The following SLC2A9 variants were observed in gnomAD, a reference collection of about 807,000 sequenced individuals.
SLC2A9 encodes the protein solute carrier family 2 member 9.
A neutral mutation model predicts 50.6 loss-of-function variants in SLC2A9; 39 were observed. The ratio of observed to expected loss-of-function variants is 0.77; its 90% CI spans 0.60 to 1.01. SLC2A9 has a LOEUF of 1.01. SLC2A9 is among the 50% of genes least tolerant of loss of function. The probability of loss-of-function intolerance (pLI) is 0.00; values close to 1 mark genes in which losing one functional copy is unlikely to be tolerated. For synonymous variants in SLC2A9, 324 were observed against 276.9 expected, an observed-to-expected ratio of 1.17 and a Z score of -1.69; for missense variants, 686 against 677.6, an observed-to-expected ratio of 1.01 and a Z score of -0.14.
chr4:9,886,924 T>C (rs143321041), intron 10 of SLC2A9, among the ~76,000 whole-genome samples: 76 of 152,254 alleles, frequency 5.0e-4, no homozygotes, highest in African/African-American at 1.7e-3. Context: ...AAGAAGTCTC[T>C]CCTACTGACC....
chr4:10,025,823 A>T, upstream of SLC2A9: 1 of 1,381,600 alleles, frequency 7.2e-7, no homozygotes, highest in African/African-American at 1.4e-5. Flanking sequence ...ACAGCCTCCC[A>T]CTGACCCAGG....
upstream of SLC2A9, among the ~76,000 whole-genome samples, chr4:10,023,827 A>C (rs1763667173): frequency 6.6e-6 from 1 of 151,964 alleles, no homozygotes; most frequent in Non-Finnish European, 1.5e-5. Flanking sequence ...CAGGGGGAGC[A>C]TGGAGGAGCC....
chr4:9,956,362 C>T (rs1174348029), intron 5 of SLC2A9, among the ~76,000 whole-genome samples: 1 of 151,888 alleles, frequency 6.6e-6, no homozygotes, highest in Non-Finnish European at 1.5e-5. Flanking sequence ...AGCCTGTAGC[C>T]CCAGCTACTC....
intron 5 of SLC2A9, among the ~76,000 whole-genome samples, chr4:9,965,294 C>A (rs1752889103): frequency 6.6e-6 from 1 of 152,214 alleles, no homozygotes; most frequent in East Asian, 1.9e-4. Flanking sequence ...CCTGCAGAGG[C>A]TGTTTTGGGC....
intron 10 of SLC2A9, among the ~76,000 whole-genome samples, chr4:9,878,627 A>G (rs1165732464): frequency 6.6e-6 from 1 of 151,906 alleles, no homozygotes; most frequent in African/African-American, 2.4e-5. Flanking sequence ...CCTCTATAAT[A>G]AAGCTGTAAT....
intron 10 of SLC2A9, among the ~76,000 whole-genome samples, chr4:9,842,757 C>A (rs1728279538): frequency 6.6e-6 from 1 of 152,142 alleles, no homozygotes; most frequent in African/African-American, 2.4e-5. Context: ...TGAAAATTAG[C>A]CCCAAATAAT....
intron 3 of SLC2A9, chr4:9,783,372 AC>A (rs1337090625): frequency 1.2e-6 from 2 of 1,614,032 alleles, no homozygotes; most frequent in African/African-American, 2.7e-5. Flanking sequence ...CCAGATGGTG[AC>A]CCTGTTGCTG....
intron 3 of SLC2A9, among the ~76,000 whole-genome samples, chr4:9,821,221 G>A (rs28831091): frequency 0.14 from 21,437 of 151,982 alleles, 1,873 homozygotes; most frequent in African/African-American, 0.25. Flanking sequence ...TTAATATGGG[G>A]GATTAAATTG....
intron 2 of SLC2A9, among the ~76,000 whole-genome samples, chr4:10,005,827 G>C (rs35201034): frequency 0.15 from 23,055 of 152,116 alleles, 3,056 homozygotes; most frequent in East Asian, 0.47. Flanking sequence ...GTTAAAGGTA[G>C]TTGGAATTGG....
chr4:9,970,325 C>T (rs532503468), intron 5 of SLC2A9, among the ~76,000 whole-genome samples: 5 of 152,286 alleles, frequency 3.3e-5, no homozygotes, highest in East Asian at 3.9e-4. Context: ...CCAGCCAACT[C>T]GGGTGGCAGT....
In SLC2A9 at chr4:9,845,894, T is replaced by C. The variant is rs2030286; in HGVS notation, c.1292-10886A>G. ...TGAAATACAGTCATTTTGAAAACTCTTCACGGGCATTCTGTTTTGTTTATG... is the reference window on the plus strand; with the variant it reads ...TGAAATACAGTCATTTTGAAAACTCCTCACGGGCATTCTGTTTTGTTTATG... On this transcript the variant is annotated intron_variant, in intron 10 of 11. Coordinates refer to ENST00000264784, the MANE Select transcript of SLC2A9 (RefSeq NM_020041.3). Among the ~76,000 whole-genome samples the C allele has an allele frequency of 1.5e-3, 233 of 152,388 alleles. 1 individual carries two copies. The highest frequency in any genetic ancestry group is 5.2e-3 in the African/African-American group (217 of 41,592).
intron 3 of SLC2A9, among the ~76,000 whole-genome samples, chr4:9,802,929 C>G (rs1288887332): frequency 6.6e-6 from 1 of 152,150 alleles, no homozygotes; most frequent in African/African-American, 2.4e-5. Context: ...ATCACAGAAC[C>G]CTTTCCGAAG....
At chr4:9,906,861 C>G (rs1740772367) in intron 8 of SLC2A9, among the ~76,000 whole-genome samples, 1 of 152,216 alleles carries the variant, frequency 6.6e-6, no homozygotes, top group South Asian at 2.1e-4. Flanking sequence ...TGTGAAACTT[C>G]CAGAATGTGA....
rs776005683 is a variant in SLC2A9 at position 10,021,379 on chromosome 4, G to GAGGGGA, written c.45_50dup (p.Pro16_Leu17dup). ...GCCCGGCGTGGCTGGTGTCATCTGT[G>GAGGGGA]AGGGGAACTAGGCCCAGTTCCTTGG... On this transcript the variant is annotated inframe_insertion, in exon 1 of 12. Transcript: ENST00000264784. The GAGGGGA allele has an allele frequency of 7.8e-5, 126 of 1,614,254 alleles. No homozygotes were observed. The highest frequency in any genetic ancestry group is 1.0e-4 in the Non-Finnish European group (119 of 1,180,040).
At chr4:10,003,545 C>G (rs975660258) in intron 2 of SLC2A9, among the ~76,000 whole-genome samples, 2 of 152,192 alleles carry the variant, frequency 1.3e-5, no homozygotes, top group Admixed American at 1.3e-4. Context: ...ACACTTTTCT[C>G]AAAAGTTCCC....
At chr4:9,960,804 C>T (rs1752144777) in intron 5 of SLC2A9, among the ~76,000 whole-genome samples, 1 of 152,056 alleles carries the variant, frequency 6.6e-6, no homozygotes, top group Non-Finnish European at 1.5e-5. Context: ...TGATAGTCAG[C>T]AGAAGGGAAA....
chr4:9,988,240 T>G (rs529603412), intron 3 of SLC2A9, among the ~76,000 whole-genome samples: 1 of 152,288 alleles, frequency 6.6e-6, no homozygotes, highest in African/African-American at 2.4e-5. Flanking sequence ...AGTGAGTTGG[T>G]GGGATTTGCT....
Position 9,959,461 on chromosome 4 carries a change from T to C in SLC2A9, c.682-17416A>G, listed in dbSNP as rs146138894. Among the ~76,000 whole-genome samples, 18 of 151,430 alleles carry C rather than the reference T, an allele frequency of 1.2e-4. No individual in the cohort carries two copies. In the South Asian group the frequency reaches 1.7e-3, roughly 14 times the overall value. ...TTGATGTCTCAATCTTAGACATCAA[T>C]GGATAATATCTAAAGAAAATGAATT... is the stretch of plus-strand genomic sequence containing the variant. On this transcript the variant is annotated intron_variant, in intron 5 of 11. Transcript: ENST00000264784.
chr4:9,882,573 A>G (rs6848689), intron 10 of SLC2A9, among the ~76,000 whole-genome samples: 68,920 of 151,772 alleles, frequency 0.45, 18,184 homozygotes, highest in African/African-American at 0.73. Flanking sequence ...GCCAGGCGTG[A>G]TGGTGGACGC....
Sources: gnomAD v4.1 joint callset for allele counts (sites outside exome capture counted in the v4.1 genomes callset) on GRCh38, gnomAD v4.1.1 for gene constraint, MANE v1.5 for transcripts, NCBI Gene and HGNC (gene_info 2026-07-23, HGNC 2026-07-21) for gene names.